The following HSPG2 variants were observed in gnomAD, a reference collection of about 807,000 sequenced individuals.
HSPG2 encodes heparan sulfate proteoglycan 2, also known as basement membrane-specific heparan sulfate proteoglycan core protein.
HSPG2 carries 278 observed loss-of-function variants against 526.6 expected under a neutral mutation model. The observed-to-expected ratio is 0.53, with a 90% CI of 0.48 to 0.58. HSPG2 has a LOEUF of 0.58. Ranked by LOEUF, HSPG2 falls within the 20% of genes least tolerant of loss-of-function variation. HSPG2 has a pLI of 0.00. For missense variants in HSPG2, 5,354 were observed against 6,099.5 expected (o/e 0.88, Z 4.07); for synonymous variants, 2,465 against 2,555.4 (o/e 0.96, Z 1.07).
Position 21,890,442 on chromosome 1 carries a change from C to A in HSPG2, c.398G>T (p.Ser133Ile). 1 of 1,614,082 alleles carries A rather than the reference C, an allele frequency of 6.2e-7. No individual in the cohort carries two copies. Among genetic ancestry groups the A allele is most frequent in the Non-Finnish European group, 8.5e-7 (1 of 1,180,006 alleles). The part of the protein sequence containing the change: ...YLKIPGDQVV[S>I]VVFIKELDGW... Reference sequence around the variant, plus strand: ...CCCTTCTCACTTGATGAACACCACACTGACAACCTGGTCTCCGGGAATTTT... The same window carrying A: ...CCCTTCTCACTTGATGAACACCACAATGACAACCTGGTCTCCGGGAATTTT... The change falls in exon 5 of 97, where the codon AGT (serine) becomes ATT (isoleucine). Residue 133 changes from serine to isoleucine, a missense_variant. By Grantham distance (142) the Ser-to-Ile change is moderately radical. Transcript: ENST00000374695. This position sits in a 1 kb window ranked among gnomAD's most constrained non-coding sequence, Gnocchi z 4.1.
chr1:21,852,220 A>G lies in HSPG2; in HGVS notation c.6738T>C (p.Pro2246=). The G allele has an allele frequency of 6.2e-7, 1 of 1,614,050 alleles. No homozygotes were observed. The highest frequency in any genetic ancestry group is 1.3e-5 in the African/African-American group (1 of 75,062). Residue 2246 remains proline, a synonymous_variant, in exon 53 of 97, where the codon CCT becomes CCC. Coordinates refer to ENST00000374695, the MANE Select transcript of HSPG2 (RefSeq NM_005529.7). ...TGGAGGATGAAGACTCGATCCTGAC[A>G]GGTGGGATGGGTCCTGCAGCAGTGG... ...EASVIPGPIP[P]VRIESSSSTV...
chr1:21,825,751 C>A (rs1422172226), intron 91 of HSPG2, among the ~76,000 whole-genome samples: 2 of 152,136 alleles, frequency 1.3e-5, no homozygotes, highest in African/African-American at 4.8e-5. Flanking sequence ...CTTACAACAA[C>A]CCTATGAATG....
rs544791084 is a variant in HSPG2, at chr1:21,848,786, C to T, written c.7594G>A (p.Val2532Met). The change falls in exon 59 of 97, where the codon GTG becomes ATG. Residue 2532 changes from valine to methionine, a missense_variant. By Grantham distance (21) the Val-to-Met change is conservative. Coordinates refer to ENST00000374695, the MANE Select transcript of HSPG2 (RefSeq NM_005529.7). This position sits in a 1 kb window ranked among gnomAD's most constrained non-coding sequence, Gnocchi z 4.9. ...GACTCGATGCGGACGGGGTACGCCA[C>T]ACCCTGGGCTGGGAGGGTGAGATGT... The part of the protein sequence containing the change: ...QRLSGSHSQG[V>M]AYPVRIESSS... The T allele has an allele frequency of 1.9e-6, 3 of 1,613,676 alleles. No individual in the cohort carries two copies. The East Asian group carries it at 6.7e-5, about 36-fold the overall frequency.
At chr1:21,894,772 G>A (rs1167920349) in intron 3 of HSPG2, among the ~76,000 whole-genome samples, 1 of 152,186 alleles carries the variant, frequency 6.6e-6, no homozygotes, top group African/African-American at 2.4e-5. Flanking sequence ...CAGCTCCAGG[G>A]ACACATTAGC....
intron 1 of HSPG2, among the ~76,000 whole-genome samples, chr1:21,925,782 T>C (rs549233147): frequency 2.6e-5 from 4 of 152,256 alleles, no homozygotes; most frequent in East Asian, 1.9e-4. Flanking sequence ...AAAACAATGA[T>C]GACTTGGGAG....
chr1:21,884,564 T>C lies in HSPG2; in HGVS notation c.1618A>G (p.Ile540Val). The change falls in exon 13 of 97, where the codon ATC becomes GTC. Residue 540 changes from isoleucine to valine, a missense_variant. Coordinates refer to ENST00000374695, the MANE Select transcript of HSPG2 (RefSeq NM_005529.7). Reference sequence around the variant, plus strand: ...TCGGGTTGGTCAAAGCGCAGCCTGATCTGGTCCCGGAAGCGGCGGGTGCTC... The same window carrying C: ...TCGGGTTGGTCAAAGCGCAGCCTGACCTGGTCCCGGAAGCGGCGGGTGCTC... ...CQSTRRFRDQ[I>V]RLRFDQPDDF... is the part of the protein sequence containing the mutation. 6.2e-7 allele frequency: 1 copy of C among 1,611,258 alleles called. No individual in the cohort carries two copies. The highest frequency in any genetic ancestry group is 8.5e-7 in the Non-Finnish European group (1 of 1,179,890).
At chr1:21,892,862 C>CAAAAAAAAAAA (rs564802827) in intron 3 of HSPG2, among the ~76,000 whole-genome samples, 7 of 103,846 alleles carry the variant, frequency 6.7e-5, no homozygotes, top group South Asian at 3.5e-4. Context: ...GACTCCATCT[C>CAAAAAAAAAAA]AAAAAAAAAA....
At chr1:21,852,034 G>C in intron 53 of HSPG2, 54 bp downstream of exon 53, 1 of 1,611,934 alleles carries the variant, frequency 6.2e-7, no homozygotes, top group Non-Finnish European at 8.5e-7. Flanking sequence ...CTAGGGGCCA[G>C]GATCCTGCAA....
intron 25 of HSPG2, chr1:21,875,340 T>A: frequency 1.7e-6 from 1 of 597,458 alleles, no homozygotes; most frequent in South Asian, 2.0e-5. Context: ...GGGCTGAGGC[T>A]GGGGCTAGAC....
At chr1:21,881,524 C>T (rs1446285674) in intron 13 of HSPG2, 22 bp from the exon 14 acceptor site, 9 of 1,605,148 alleles carry the variant, frequency 5.6e-6, no homozygotes, top group Non-Finnish European at 7.7e-6. Context: ...AAGGGGGAGG[C>T]TGAGGGCTGC....
At chr1:21,829,239 A>G in intron 87 of HSPG2, 144 bp downstream of exon 87, 1 of 1,344,282 alleles carries the variant, frequency 7.4e-7, no homozygotes, top group Non-Finnish European at 1.0e-6. Flanking sequence ...ATTGGCCTCA[A>G]GTGACACAGA....
chr1:21,854,065 A>T (rs1572235067), intron 50 of HSPG2, 128 bp downstream of exon 50: 1 of 1,042,814 alleles, frequency 9.6e-7, no homozygotes, highest in Non-Finnish European at 1.4e-6. Context: ...TCTCTCTCTG[A>T]GCAGGCGCTG....
chr1:21,911,560 T>C (rs1643682710), intron 1 of HSPG2, among the ~76,000 whole-genome samples: 1 of 152,182 alleles, frequency 6.6e-6, no homozygotes, highest in African/African-American at 2.4e-5. Context: ...CGCTGTCCCA[T>C]AGCACAGCCC....
At chr1:21,888,677 C>T (rs1300842717) in intron 6 of HSPG2, 2 of 1,365,200 alleles carry the variant, frequency 1.5e-6, no homozygotes, top group African/African-American at 1.5e-5. Context: ...CCTGGTGTCA[C>T]TGCGACCGCC....
intron 37 of HSPG2, among the ~76,000 whole-genome samples, chr1:21,862,953 C>T (rs1639914778): frequency 6.7e-6 from 1 of 148,672 alleles, no homozygotes; most frequent in Non-Finnish European, 1.5e-5. Context: ...CCAGCTACTC[C>T]AGAGGCTGAG....
In HSPG2 at chr1:21,890,393, G is replaced by T; in HGVS notation, c.413+34C>A. The T allele has an allele frequency of 6.2e-7, 1 of 1,605,262 alleles. No homozygotes were observed. Among genetic ancestry groups the T allele is most frequent in the Non-Finnish European group, 8.5e-7 (1 of 1,172,182 alleles). ...AGCCCCCTCCAGGTTACCCGCTCAA[G>T]TCCCCCAGCAGCCCCCAGGGAGCCC... On this transcript the variant is annotated intron_variant, in intron 5 of 96. Transcript: ENST00000374695. This position sits in a 1 kb window ranked among gnomAD's most constrained non-coding sequence, Gnocchi z 4.1.
At chr1:21,878,777 C>T in intron 18 of HSPG2, 114 bp from the exon 19 acceptor site, 1 of 1,219,288 alleles carries the variant, frequency 8.2e-7, no homozygotes, top group South Asian at 1.2e-5. Flanking sequence ...GGCATGACGC[C>T]ATCTCCCTGC....
In HSPG2 at chr1:21,824,809, C is replaced by T; in HGVS notation, c.12590-30G>A. 2 of 1,587,942 alleles carry T rather than the reference C, an allele frequency of 1.3e-6. No homozygotes were observed. Among genetic ancestry groups the T allele is most frequent in the Non-Finnish European group, 1.7e-6 (2 of 1,162,476 alleles). On this transcript the variant is annotated intron_variant, in intron 91 of 96. Coordinates refer to ENST00000374695, the MANE Select transcript of HSPG2 (RefSeq NM_005529.7). This position sits in a 1 kb window ranked among gnomAD's most constrained non-coding sequence, Gnocchi z 5.9. Reference sequence around the variant, plus strand: ...GGGAGAGAGGAGGGTGGTGCCATACCTGCTGCATCAGGCATCAAAATCCCC... The same window carrying T: ...GGGAGAGAGGAGGGTGGTGCCATACTTGCTGCATCAGGCATCAAAATCCCC...
intron 1 of HSPG2, among the ~76,000 whole-genome samples, chr1:21,929,832 C>T (rs1644303409): frequency 6.6e-6 from 1 of 152,124 alleles, no homozygotes; most frequent in Admixed American, 6.5e-5. Context: ...GGTGACCCAT[C>T]TTCAAAATGT....
Sources: allele counts gnomAD v4.1 joint callset (sites outside exome capture counted in the v4.1 genomes callset), GRCh38; gene constraint gnomAD v4.1.1; non-coding constraint Gnocchi (gnomAD v3.1); transcripts MANE v1.5; gene names NCBI Gene and HGNC (gene_info 2026-07-23, HGNC 2026-07-21).